NUPR2: variants seen among roughly 807,000 people sequenced by gnomAD.
NUPR2 encodes the protein nuclear protein 2, transcriptional regulator.
Under a neutral mutation model 7.3 loss-of-function variants are expected in NUPR2, and 14 were observed. The ratio of observed to expected loss-of-function variants is 1.93; its 90% CI spans 1.27 to 3.01. The LOEUF (loss-of-function observed/expected upper bound fraction) is 3.01, where lower values mean the gene tolerates loss of function less well. NUPR2 is among the 30% of genes most tolerant of loss of function. The pLI, the probability that NUPR2 is intolerant of heterozygous loss-of-function variation, is 0.00. For synonymous variants in NUPR2, 56 were observed against 59.7 expected, an observed-to-expected ratio of 0.94 and a Z score of 0.29; for missense variants, 162 against 143.7, an observed-to-expected ratio of 1.13 and a Z score of -0.65.
At position 56,115,625 on chromosome 7, in the gene NUPR2, T is replaced by TTATATATATATATATATTCCCATATA. The variant is rs1554376585; in HGVS notation, c.*6+389_*6+390insTATATGGGAATATATATATATATATA. The stretch of plus-strand genomic sequence containing the variant: ...CGCGCACCACAGTGCCTGGCTAATT[T>TTATATATATATATATATTCCCATATA]TATATATATATATATATATATATTT... On this transcript the variant is annotated intron_variant, in intron 1 of 1. Coordinates refer to ENST00000329309, the MANE Select transcript of NUPR2 (RefSeq NM_001145712.2). 2.9e-5 allele frequency among the ~76,000 whole-genome samples: 3 copies of TTATATATATATATATATTCCCATATA among 105,210 alleles called. 1 individual carries two copies. The East Asian group carries it at 1.2e-3, about 44-fold the overall frequency. 69.0% of individuals were successfully genotyped at this position (105,210 alleles called of 152,430 possible).
At chr7:56,115,476 T>A (rs1263753752) in intron 1 of NUPR2, among the ~76,000 whole-genome samples, 2 of 116,868 alleles carry the variant, frequency 1.7e-5, no homozygotes, top group African/African-American at 3.4e-5. Context: ...TGTGTGTGTG[T>A]GACGGAGTCT....
At chr7:56,115,625 TTATA>T (rs57272607) in intron 1 of NUPR2, among the ~76,000 whole-genome samples, 63,354 of 105,018 alleles carry the variant, frequency 0.6, 20,019 homozygotes, top group African/African-American at 0.68. Flanking sequence ...CTGGCTAATT[TTATA>T]TATATATATA....
At chr7:56,115,420 T>TATATATAC (rs1785526382) in intron 1 of NUPR2, among the ~76,000 whole-genome samples, 1 of 52,200 alleles carries the variant, frequency 1.9e-5, no homozygotes, top group Non-Finnish European at 3.3e-5. Flanking sequence ...TATATATATA[T>TATATATAC]ATATATATTT....
intron 1 of NUPR2, among the ~76,000 whole-genome samples, chr7:56,115,419 A>ATATACATATATATG (rs1369138701): frequency 1.2e-3 from 18 of 14,856 alleles, no homozygotes; most frequent in African/African-American, 2.9e-3. Flanking sequence ...ATATATATAT[A>ATATACATATATATG]TATATATATT....
In NUPR2 at chr7:56,116,331, G is replaced by A. The variant is rs903160703; in HGVS notation, c.-17C>T. ...CGCTTCCATCCTGCCCAGGCCTGTG[G>A]CCACCGGCGGCCACCTGCCCGCGTC... On this transcript the variant is annotated 5_prime_UTR_variant, in exon 1 of 2. Coordinates refer to ENST00000329309, the MANE Select transcript of NUPR2 (RefSeq NM_001145712.2). 1.5e-6 allele frequency: 2 copies of A among 1,327,136 alleles called. No individual in the cohort carries two copies. The highest frequency in any genetic ancestry group is 3.8e-5 in the South Asian group (2 of 52,600). 82.2% of individuals were successfully genotyped at this position (1,327,136 alleles called of 1,614,324 possible).
rs1231425083 is a variant in NUPR2 at position 56,116,046 on chromosome 7, G to C, written c.269C>G (p.Pro90Arg). The C allele has an allele frequency of 2.0e-6, 3 of 1,492,380 alleles. No homozygotes were observed. The highest frequency in any genetic ancestry group is 2.2e-5 in the Admixed American group (1 of 45,980). 92.4% of individuals were successfully genotyped at this position (1,492,380 alleles called of 1,614,324 possible). Residue 90 changes from proline (P) to arginine (R), a missense_variant, in exon 1 of 2, where the codon CCC becomes CGC. Pro to Arg is a moderately radical substitution (Grantham distance 103). Coordinates refer to ENST00000329309, the MANE Select transcript of NUPR2 (RefSeq NM_001145712.2). ...TCAGGTGAGGCGAGTGCGCATCTTG[G>C]GATGCAGCTGGCGCTGGCGGCGCTT... The part of the protein sequence containing the change: ...QRKRRQRQLH[P>R]KMRTRLT
intron 1 of NUPR2, among the ~76,000 whole-genome samples, chr7:56,115,467 G>A (rs1171220289): frequency 1.1e-4 from 3 of 28,142 alleles, no homozygotes; most frequent in African/African-American, 1.7e-4. Flanking sequence ...GTGTGTGTGT[G>A]TGTGTGTGTG....
intron 1 of NUPR2, among the ~76,000 whole-genome samples, chr7:56,115,429 T>TACATA (rs1554376538): frequency 6.5e-5 from 2 of 30,988 alleles, no homozygotes; most frequent in African/African-American, 3.0e-4. Context: ...ATATATATAT[T>TACATA]TGTGTGTGTG....
At chr7:56,115,167 C>A (rs2115615558) in intron 1 of NUPR2, among the ~76,000 whole-genome samples, 2 of 152,002 alleles carry the variant, frequency 1.3e-5, no homozygotes, top group African/African-American at 2.4e-5. Flanking sequence ...AACTCCTGAG[C>A]TAAAGTGATA....
chr7:56,115,431 G>GTATATATACACA (rs56746301), intron 1 of NUPR2, among the ~76,000 whole-genome samples: 1 of 26,750 alleles, frequency 3.7e-5, no homozygotes, highest in African/African-American at 1.8e-4. Context: ...ATATATATTT[G>GTATATATACACA]TGTGTGTGTG....
rs536120059 is a variant in NUPR2, at chr7:56,116,172, C to G, written c.143G>C (p.Ser48Thr). 6.1e-5 allele frequency: 95 copies of G among 1,548,344 alleles called. 1 individual carries two copies. In the East Asian group the frequency reaches 1.5e-3, roughly 24 times the overall value. The change falls in exon 1 of 2, where the codon AGC (serine) becomes ACC (threonine). Residue 48 changes from serine (S) to threonine (T), a missense_variant. Coordinates refer to ENST00000329309, the MANE Select transcript of NUPR2 (RefSeq NM_001145712.2). ...CTGCTCGCGCCGAGTCCGGCCCTTG[C>G]TGCGCCCTGCCCCGCAGGCCGGGAA... ...RDFPACGAGR[S>T]KGRTRREQAL...
intron 1 of NUPR2, among the ~76,000 whole-genome samples, chr7:56,115,441 G>GTATA: frequency 3.0e-5 from 1 of 33,450 alleles, no homozygotes; most frequent in African/African-American, 1.5e-4. Context: ...GTGTGTGTGT[G>GTATA]TGTGTGTGTG....
Position 56,114,734 on chromosome 7 carries a change from T to C in NUPR2, c.*170A>G, listed in dbSNP as rs1785512264. ...ATAAACTCTAAAAAGGCTAATCCAC[T>C]TGGGCACTACTTAATTAACAATCAA... On this transcript the variant is annotated 3_prime_UTR_variant, in exon 2 of 2. Transcript: ENST00000329309. 6.6e-6 allele frequency: 1 copy of C among 151,980 alleles called. No homozygotes were observed. The highest frequency in any genetic ancestry group is 1.5e-5 in the Non-Finnish European group (1 of 67,992). The allele number at this position is 151,980 out of a possible 1,614,324, so 9.4% of individuals were successfully genotyped here. A position where few individuals can be genotyped will look rare whatever the true frequency, so the allele number is the denominator to read the frequency against.
At chr7:56,115,455 G>GTATATATATATATATATT (rs60836247) in intron 1 of NUPR2, among the ~76,000 whole-genome samples, 1 of 48,480 alleles carries the variant, frequency 2.1e-5, no homozygotes, top group Non-Finnish European at 3.7e-5. Flanking sequence ...GTGTGTGTGT[G>GTATATATATATATATATT]TGTGTGTGTG....
intron 1 of NUPR2, 125 bp downstream of exon 1, chr7:56,115,890 G>A: frequency 4.0e-6 from 3 of 755,290 alleles, no homozygotes; most frequent in Non-Finnish European, 5.8e-6. Context: ...GCTGGCGGGT[G>A]CGGTTCCCTA....
intron 1 of NUPR2, among the ~76,000 whole-genome samples, 164 bp downstream of exon 1, chr7:56,115,851 A>G (rs1208235254): frequency 6.6e-6 from 1 of 151,926 alleles, no homozygotes; most frequent in African/African-American, 2.4e-5. Context: ...GCAGGCTTTA[A>G]TGCTATTGCT....
At chr7:56,115,471 G>A (rs1056044496) in intron 1 of NUPR2, among the ~76,000 whole-genome samples, 2 of 36,948 alleles carry the variant, frequency 5.4e-5, no homozygotes, top group African/African-American at 1.2e-4. Context: ...GTGTGTGTGT[G>A]TGTGTGACGG....
chr7:56,115,441 G>T lies in NUPR2; in HGVS notation c.*7-544C>A, dbSNP rs1483083713. On this transcript the variant is annotated intron_variant, in intron 1 of 1. Transcript: ENST00000329309. ...TATATATATATATTTGTGTGTGTGTGTGTGTGTGTGTGTGTGTGTGTGTGT... is the reference window on the plus strand; with the variant it reads ...TATATATATATATTTGTGTGTGTGTTTGTGTGTGTGTGTGTGTGTGTGTGT... 1.4e-3 allele frequency among the ~76,000 whole-genome samples: 46 copies of T among 33,444 alleles called. 6 individuals are homozygous for T. The highest frequency in any genetic ancestry group is 7.9e-3 in the East Asian group (4 of 504). 21.9% of individuals were successfully genotyped at this position (33,444 alleles called of 152,430 possible).
Position 56,116,300 on chromosome 7 carries a change from TGCGG to T in NUPR2, c.11_14del (p.Pro4GlnfsTer18). 6.1e-6 allele frequency: 8 copies of T among 1,312,016 alleles called. No individual in the cohort carries two copies. The highest frequency in any genetic ancestry group is 8.0e-6 in the Non-Finnish European group (8 of 1,003,736). 81.3% of individuals were successfully genotyped at this position (1,312,016 alleles called of 1,614,324 possible). A position where few individuals can be genotyped will look rare whatever the true frequency, so the allele number is the denominator to read the frequency against. ...CCTGCAGACGTGGAAGCGCCCGCTC[TGCGG>T]GCGCTTCCATCCTGCCCAGGCCTGT... is the stretch of plus-strand genomic sequence containing the variant. On this transcript the variant is annotated frameshift_variant, in exon 1 of 2. Coordinates refer to ENST00000329309, the MANE Select transcript of NUPR2 (RefSeq NM_001145712.2). LOFTEE classifies it high-confidence loss of function.
Sources: gnomAD v4.1 joint callset for allele counts (sites outside exome capture counted in the v4.1 genomes callset) on GRCh38, gnomAD v4.1.1 for gene constraint, MANE v1.5 for transcripts, NCBI Gene and HGNC (gene_info 2026-07-23, HGNC 2026-07-21) for gene names.